Variants in CNTNAP3B observed in about 807,000 individuals in gnomAD.
CNTNAP3B encodes contactin associated protein family member 3B.
A neutral mutation model predicts 108.9 loss-of-function variants in CNTNAP3B; 25 were observed. That is an observed-to-expected ratio of 0.23 (90% CI 0.17 to 0.32). The LOEUF is 0.32. Ranked by LOEUF, CNTNAP3B falls within the 10% of genes least tolerant of loss-of-function variation. CNTNAP3B has a pLI of 1.00. For synonymous variants in CNTNAP3B, 103 were observed against 473.4 expected (o/e 0.22, Z 10.16); for missense variants, 252 against 1,210.4 (o/e 0.21, Z 11.75).
chr9:41,973,092 C>T (rs1311912948), intron 9 of CNTNAP3B, among the ~76,000 whole-genome samples: 3 of 139,480 alleles, frequency 2.2e-5, no homozygotes, highest in Non-Finnish European at 3.1e-5. Flanking sequence ...CACGCACCAC[C>T]ATGCCCTGCT....
chr9:42,092,817 TC>T (rs901693730), intron 2 of CNTNAP3B, among the ~76,000 whole-genome samples: 1 of 47,088 alleles, frequency 2.1e-5, no homozygotes, highest in Non-Finnish European at 4.3e-5. Context: ...GACGGTCCCC[TC>T]CCCTGCACCG....
chr9:42,120,711 C>T (rs571853821), intron 1 of CNTNAP3B, among the ~76,000 whole-genome samples: 1 of 133,986 alleles, frequency 7.5e-6, no homozygotes, highest in Admixed American at 7.5e-5. Flanking sequence ...TCTCAGCAAA[C>T]TATTGCAAGG....
intron 14 of CNTNAP3B, among the ~76,000 whole-genome samples, chr9:41,930,299 T>C (rs2118005009): frequency 6.6e-6 from 1 of 152,366 alleles, no homozygotes; most frequent in South Asian, 2.1e-4. Context: ...TCCCAACACT[T>C]TAGAAGACTG....
intron 3 of CNTNAP3B, among the ~76,000 whole-genome samples, chr9:42,071,889 G>A (rs1213608535): frequency 3.3e-5 from 5 of 151,122 alleles, no homozygotes; most frequent in Non-Finnish European, 7.4e-5. Context: ...GATATTTACT[G>A]AGAGGTGGAA....
intron 11 of CNTNAP3B, among the ~76,000 whole-genome samples, chr9:41,963,523 GAGAAGTGTT>G (rs1825170227): frequency 6.7e-6 from 1 of 150,194 alleles, no homozygotes; most frequent in African/African-American, 2.5e-5. Context: ...AGAGGCAGTT[GAGAAGTGTT>G]AGAATATGCC....
intron 2 of CNTNAP3B, among the ~76,000 whole-genome samples, chr9:42,079,800 A>G (rs1587255351): frequency 7.2e-6 from 1 of 138,756 alleles, no homozygotes; most frequent in Non-Finnish European, 1.5e-5. Context: ...GATTACAGGC[A>G]TGAGGCACTG....
rs1192243141 is a variant in CNTNAP3B, at chr9:42,103,223, G to A, written c.196+1406C>T. ...CTGCAGCAATAGAATCTAAAGTAACGAAACAGAGCCCATATCTCTGCAACA... is the reference window on the plus strand; with the variant it reads ...CTGCAGCAATAGAATCTAAAGTAACAAAACAGAGCCCATATCTCTGCAACA... On this transcript the variant is annotated intron_variant, in intron 2 of 23. Coordinates refer to ENST00000377561, the MANE Select transcript of CNTNAP3B (RefSeq NM_001201380.3). Among the ~76,000 whole-genome samples, 101 of 144,794 alleles carry A rather than the reference G, an allele frequency of 7.0e-4. 1 individual carries two copies. The highest frequency in any genetic ancestry group is 1.1e-3 in the Non-Finnish European group (75 of 67,236). The allele number at this position is 144,794 out of a possible 152,430, so 95.0% of individuals were successfully genotyped here.
chr9:42,051,797 T>A (rs1453722317), intron 3 of CNTNAP3B, among the ~76,000 whole-genome samples: 1 of 151,990 alleles, frequency 6.6e-6, no homozygotes, highest in East Asian at 1.9e-4. Flanking sequence ...TCTTGGGATA[T>A]TTTTCAGTAA....
At chr9:42,019,760 CAAA>C (rs71251465) in intron 3 of CNTNAP3B, among the ~76,000 whole-genome samples, 1,536 of 74,222 alleles carry the variant, frequency 0.021, 1 homozygote, top group Middle Eastern at 0.032. Flanking sequence ...GACTCTATCT[CAAA>C]AAAAAAAAAA....
intron 7 of CNTNAP3B, among the ~76,000 whole-genome samples, chr9:41,995,768 G>A (rs1327571798): frequency 7.4e-6 from 1 of 134,892 alleles, no homozygotes; most frequent in Non-Finnish European, 1.6e-5. Flanking sequence ...AGGCCCGGTG[G>A]CTCACACCTG....
chr9:42,097,504 A>G lies in CNTNAP3B; in HGVS notation c.196+7125T>C, dbSNP rs1412938245. 4.3e-5 allele frequency among the ~76,000 whole-genome samples: 6 copies of G among 140,174 alleles called. 1 individual carries two copies. The highest frequency in any genetic ancestry group is 1.7e-4 in the African/African-American group (6 of 35,508). 92.0% of individuals were successfully genotyped at this position (140,174 alleles called of 152,430 possible). On this transcript the variant is annotated intron_variant, in intron 2 of 23. Transcript: ENST00000377561. ...TTTTATACCTCAAAGAACCATTTAG[A>G]GTCACTGATTCATTTCCATAAAGCA...
chr9:42,129,385 C>T lies in CNTNAP3B; in HGVS notation c.-291G>A. The T allele has an allele frequency of 3.1e-6, 1 of 320,846 alleles. No homozygotes were observed. The highest frequency in any genetic ancestry group is 5.0e-6 in the Non-Finnish European group (1 of 199,732). 19.9% of individuals were successfully genotyped at this position (320,846 alleles called of 1,614,324 possible). ...CGGAGGCGGCAGGTTCAGGCGCGTC[C>T]CGGACACTAGGCGCGGGAGGCGGCC... On this transcript the variant is annotated 5_prime_UTR_variant, in exon 1 of 24. Transcript: ENST00000377561.
chr9:41,965,739 AG>A (rs1825250418), intron 10 of CNTNAP3B, among the ~76,000 whole-genome samples: 1 of 152,148 alleles, frequency 6.6e-6, no homozygotes, highest in Non-Finnish European at 1.5e-5. Context: ...AGGGGCTGGG[AG>A]GTTGTGACAG....
chr9:42,119,349 A>G (rs1355879077), intron 1 of CNTNAP3B, among the ~76,000 whole-genome samples: 1 of 132,772 alleles, frequency 7.5e-6, no homozygotes, highest in African/African-American at 3.1e-5. Context: ...CAAATGGAAG[A>G]ACATTCCATG....
At chr9:42,108,753 A>G (rs1828130483) in intron 1 of CNTNAP3B, among the ~76,000 whole-genome samples, 1 of 135,894 alleles carries the variant, frequency 7.4e-6, no homozygotes, top group Admixed American at 7.3e-5. Flanking sequence ...TCCCCACTCT[A>G]TGGTCTTGAT....
intron 11 of CNTNAP3B, among the ~76,000 whole-genome samples, chr9:41,961,105 A>T (rs1188456548): frequency 6.6e-6 from 1 of 152,306 alleles, no homozygotes; most frequent in Non-Finnish European, 1.5e-5. Flanking sequence ...AAAATTACCT[A>T]GTCAAAATAC....
At chr9:42,056,326 TTTATTA>T (rs199830117) in intron 3 of CNTNAP3B, among the ~76,000 whole-genome samples, 15,652 of 123,532 alleles carry the variant, frequency 0.13, 619 homozygotes, top group Middle Eastern at 0.18. Context: ...TCTCATGAAT[TTTATTA>T]TTATTATTAT....
At chr9:41,942,738 C>T (rs1459631731) in intron 13 of CNTNAP3B, among the ~76,000 whole-genome samples, 1 of 152,220 alleles carries the variant, frequency 6.6e-6, no homozygotes, top group Admixed American at 6.5e-5. Context: ...AATGAAAGAG[C>T]TGTCAATTTT....
In CNTNAP3B at chr9:41,964,151, G is replaced by A. The variant is rs564003420; in HGVS notation, c.1756+387C>T. Among the ~76,000 whole-genome samples, 47 of 152,406 alleles carry A rather than the reference G, an allele frequency of 3.1e-4. No homozygotes were observed. The East Asian group carries it at 8.5e-3, about 28-fold the overall frequency. ...AATGTAACATTGACAGCCTGGCAAG[G>A]GGTTGTTTTTCCACCTTTCTTTGAC... is the stretch of plus-strand genomic sequence containing the variant. On this transcript the variant is annotated intron_variant, in intron 11 of 23. Coordinates refer to ENST00000377561, the MANE Select transcript of CNTNAP3B (RefSeq NM_001201380.3).
Sources: gnomAD v4.1 joint callset for allele counts (sites outside exome capture counted in the v4.1 genomes callset) on GRCh38, gnomAD v4.1.1 for gene constraint, MANE v1.5 for transcripts, NCBI Gene and HGNC (gene_info 2026-07-23, HGNC 2026-07-21) for gene names.